Variants in EXOC6B observed in about 807,000 individuals in gnomAD.
EXOC6B encodes the protein SEC15 homolog B.
EXOC6B carries 54 observed loss-of-function variants against 113.5 expected under a neutral mutation model. The ratio of observed to expected loss-of-function variants is 0.48; its 90% CI spans 0.38 to 0.60. The LOEUF (loss-of-function observed/expected upper bound fraction) is 0.60. Ranked by LOEUF, EXOC6B falls within the 20% of genes least tolerant of loss-of-function variation. The probability of loss-of-function intolerance (pLI) is 0.00; values close to 1 mark genes in which losing one functional copy is unlikely to be tolerated. For synonymous variants in EXOC6B, 357 were observed against 339.0 expected, an observed-to-expected ratio of 1.05 and a Z score of -0.58; for missense variants, 797 against 977.5, an observed-to-expected ratio of 0.82 and a Z score of 2.46.
chr2:72,198,292 T>G (rs1460453735), intron 20 of EXOC6B, among the ~76,000 whole-genome samples: 3 of 152,196 alleles, frequency 2.0e-5, no homozygotes, highest in Non-Finnish European at 4.4e-5. Flanking sequence ...AACAAAGCAT[T>G]AAGGGCCTGC....
At chr2:72,646,535 C>A (rs570912871) in intron 6 of EXOC6B, among the ~76,000 whole-genome samples, 2 of 151,588 alleles carry the variant, frequency 1.3e-5, no homozygotes, top group Non-Finnish European at 2.9e-5. Context: ...TGATGAACAT[C>A]GATGCGAAAA....
At chr2:72,274,494 C>T (rs1025754617) in intron 20 of EXOC6B, among the ~76,000 whole-genome samples, 1 of 152,160 alleles carries the variant, frequency 6.6e-6, no homozygotes, top group Middle Eastern at 3.4e-3. Context: ...CCAGTGAGTA[C>T]CTTGTAAAGT....
intron 18 of EXOC6B, among the ~76,000 whole-genome samples, chr2:72,421,831 G>A (rs1317679765): frequency 3.9e-5 from 6 of 152,238 alleles, no homozygotes; most frequent in Non-Finnish European, 8.8e-5. Flanking sequence ...TGTGGAGGGA[G>A]AGGCGCGAGC....
chr2:72,731,051 G>A lies in EXOC6B; in HGVS notation c.420C>T (p.Val140=). ...TVDKLMLCLP[V]LEMYSKLRDQ... ...CCCTCAGTTTGCTGTACATCTCTAG[G>A]ACTTAAAAGAAAGAAAAGAATACAC... Residue 140 remains valine (V), a splice_region_variant and synonymous_variant, in exon 5 of 22, where the codon GTC becomes GTT. Transcript: ENST00000272427. 2 of 1,550,422 alleles carry A rather than the reference G, an allele frequency of 1.3e-6. No homozygotes were observed. The highest frequency in any genetic ancestry group is 2.0e-5 in the Admixed American group (1 of 49,410).
Position 72,431,484 on chromosome 2 carries a change from T to TC in EXOC6B, c.1980+33675_1980+33676insG, listed in dbSNP as rs1327813876. Among the ~76,000 whole-genome samples the TC allele has an allele frequency of 2.7e-3, 386 of 142,222 alleles. 2 individuals are homozygous for TC. The highest frequency in any genetic ancestry group is 9.8e-3 in the African/African-American group (368 of 37,470). 93.3% of individuals were successfully genotyped at this position (142,222 alleles called of 152,430 possible). A position where few individuals can be genotyped will look rare whatever the true frequency, so the allele number is the denominator to read the frequency against. ...GTGCCACCATGACTGGCTTGATTTC[T>TC]TTATCTATCTATCTATCTATCTATC... is the stretch of plus-strand genomic sequence containing the variant. On this transcript the variant is annotated intron_variant, in intron 18 of 21. Coordinates refer to ENST00000272427, the MANE Select transcript of EXOC6B (RefSeq NM_015189.3).
At chr2:72,801,375 A>G (rs544650488) in intron 1 of EXOC6B, among the ~76,000 whole-genome samples, 2 of 152,366 alleles carry the variant, frequency 1.3e-5, no homozygotes, top group African/African-American at 4.8e-5. Context: ...AAGTCAAAAA[A>G]TGTAGAGACA....
At chr2:72,520,151 G>T (rs1446657417) in intron 8 of EXOC6B, among the ~76,000 whole-genome samples, 1 of 152,154 alleles carries the variant, frequency 6.6e-6, no homozygotes, top group Non-Finnish European at 1.5e-5. Context: ...AAAAGTCTCA[G>T]TTTATCTTGT....
At chr2:72,710,389 T>C (rs1259787863) in intron 6 of EXOC6B, among the ~76,000 whole-genome samples, 1 of 151,888 alleles carries the variant, frequency 6.6e-6, no homozygotes, top group Non-Finnish European at 1.5e-5. Flanking sequence ...CAGAAGCATA[T>C]GTAATACAAG....
chr2:72,625,837 C>T (rs1672018053), intron 6 of EXOC6B, among the ~76,000 whole-genome samples: 1 of 152,202 alleles, frequency 6.6e-6, no homozygotes, highest in Non-Finnish European at 1.5e-5. Flanking sequence ...ACCTCCAATT[C>T]ACATGTGGTC....
chr2:72,341,846 C>T (rs769787787), intron 19 of EXOC6B, among the ~76,000 whole-genome samples: 13 of 152,014 alleles, frequency 8.6e-5, no homozygotes, highest in Non-Finnish European at 1.6e-4. Flanking sequence ...TGTTGAGTCA[C>T]AAAACATGTC....
chr2:72,583,090 G>A (rs1705332661), intron 6 of EXOC6B, among the ~76,000 whole-genome samples: 1 of 152,150 alleles, frequency 6.6e-6, no homozygotes, highest in African/African-American at 2.4e-5. Flanking sequence ...GCTGGACAAA[G>A]TGGAAGAAAG....
chr2:72,821,836 C>G (rs945295149), intron 1 of EXOC6B, among the ~76,000 whole-genome samples: 1 of 152,062 alleles, frequency 6.6e-6, no homozygotes, highest in Admixed American at 6.5e-5. Flanking sequence ...TACAAGGTTT[C>G]TTTTTGAGTA....
In EXOC6B at chr2:72,492,437, A is replaced by G; in HGVS notation, c.1554-8T>C. On this transcript the variant is annotated splice_polypyrimidine_tract_variant and splice_region_variant and intron_variant, in intron 15 of 21. Coordinates refer to ENST00000272427, the MANE Select transcript of EXOC6B (RefSeq NM_015189.3). ...TCATCAACTTCAGTTGAGCTGAAAA[A>G]GAAGCATTAAGAGTCAGTCATAGCA... 1 of 1,586,150 alleles carries G rather than the reference A, an allele frequency of 6.3e-7. No homozygotes were observed. The highest frequency in any genetic ancestry group is 2.2e-5 in the East Asian group (1 of 44,708).
chr2:72,505,034 C>T (rs901833091), intron 11 of EXOC6B, among the ~76,000 whole-genome samples: 4 of 152,072 alleles, frequency 2.6e-5, no homozygotes, highest in African/African-American at 9.7e-5. Context: ...CCATTTTTCA[C>T]TAAGTGGCAT....
At chr2:72,629,487 T>A (rs1672257644) in intron 6 of EXOC6B, among the ~76,000 whole-genome samples, 1 of 152,230 alleles carries the variant, frequency 6.6e-6, no homozygotes, top group Non-Finnish European at 1.5e-5. Context: ...AGAATCTTGT[T>A]TCTGTTATTT....
At chr2:72,375,088 T>C (rs549638358) in intron 19 of EXOC6B, among the ~76,000 whole-genome samples, 1 of 152,168 alleles carries the variant, frequency 6.6e-6, no homozygotes, top group East Asian at 1.9e-4. Flanking sequence ...AGAGGGTCAT[T>C]TCATCATAAT....
At chr2:72,686,535 T>C (rs1352661030) in intron 6 of EXOC6B, among the ~76,000 whole-genome samples, 1 of 152,152 alleles carries the variant, frequency 6.6e-6, no homozygotes, top group Non-Finnish European at 1.5e-5. Flanking sequence ...AGGTAGTATG[T>C]GAAAAGTCCG....
At chr2:72,285,101 T>C (rs1257687248) in intron 20 of EXOC6B, among the ~76,000 whole-genome samples, 3 of 152,128 alleles carry the variant, frequency 2.0e-5, no homozygotes, top group African/African-American at 7.2e-5. Flanking sequence ...TAAATTTTTC[T>C]ATGGATGTTG....
Position 72,621,306 on chromosome 2 carries a change from A to G in EXOC6B, c.670-45638T>C, listed in dbSNP as rs1671730394. 2.6e-5 allele frequency among the ~76,000 whole-genome samples: 4 copies of G among 152,304 alleles called. No homozygotes were observed. In the South Asian group the frequency reaches 8.3e-4, roughly 32 times the overall value. On this transcript the variant is annotated intron_variant, in intron 6 of 21. Transcript: ENST00000272427. ...AAAGAAAATGTGGTATATATATATC[A>G]TGGAATACTATGAAGCCATAAAAAA...
Sources: allele counts gnomAD v4.1 joint callset (sites outside exome capture counted in the v4.1 genomes callset), GRCh38; gene constraint gnomAD v4.1.1; transcripts MANE v1.5; gene names NCBI Gene and HGNC (gene_info 2026-07-23, HGNC 2026-07-21).